RPL23: variants seen among roughly 807,000 people sequenced by gnomAD.
RPL23 encodes the protein large ribosomal subunit protein uL14.
For synonymous variants in RPL23, 63 were observed against 65.3 expected (o/e 0.97, Z 0.17); for missense variants, 79 against 178.8 (o/e 0.44, Z 3.18).
chr17:38,852,394 AAAC>A (rs1291411895), intron 3 of RPL23: 28 of 586,808 alleles, frequency 4.8e-5, no homozygotes, highest in African/African-American at 5.6e-5. Flanking sequence ...AACAAAACAA[AAAC>A]AACAACAAAA....
Position 38,847,956 on chromosome 17 carries a change from G to A in RPL23, c.*2176C>T. ...GCAGTGGCTCACACTTGTAATTGCA[G>A]CCCTTTGAAGGCCACAGCAGGAGGA... On this transcript the variant is annotated 3_prime_UTR_variant, in exon 5 of 5. Coordinates refer to ENST00000479035, the MANE Select transcript of RPL23 (RefSeq NM_000978.4). 1 of 1,547,764 alleles carries A rather than the reference G, an allele frequency of 6.5e-7. No individual in the cohort carries two copies. The highest frequency in any genetic ancestry group is 8.7e-7 in the Non-Finnish European group (1 of 1,145,840).
intron 2 of RPL23, 30 bp downstream of exon 2, chr17:38,852,992 G>A (rs1913048968): frequency 6.3e-7 from 1 of 1,597,474 alleles, no homozygotes; most frequent in Admixed American, 1.7e-5. Context: ...CTTTTAAAAG[G>A]GGGAGTATAG....
At chr17:38,852,231 A>C in intron 3 of RPL23, 1 of 198,742 alleles carries the variant, frequency 5.0e-6, no homozygotes, top group Non-Finnish European at 1.0e-5. Context: ...AAAACAAATA[A>C]TAAAATAAGC....
At position 38,848,146 on chromosome 17, in the gene RPL23, A is replaced by C; in HGVS notation, c.*1986T>G. 1 of 1,366,236 alleles carries C rather than the reference A, an allele frequency of 7.3e-7. No homozygotes were observed. The highest frequency in any genetic ancestry group is 1.7e-5 in the South Asian group (1 of 58,488). 84.6% of individuals were successfully genotyped at this position (1,366,236 alleles called of 1,614,324 possible). A position where few individuals can be genotyped will look rare whatever the true frequency, so the allele number is the denominator to read the frequency against. ...TATTGCCATAATATATAAAGACATA[A>C]ATGGTGGGCCTAGGGGCTTGTCACA... On this transcript the variant is annotated 3_prime_UTR_variant, in exon 5 of 5. Transcript: ENST00000479035.
chr17:38,853,672 A>T (rs1913072766), intron 1 of RPL23, 26 bp downstream of exon 1: 1 of 1,613,970 alleles, frequency 6.2e-7, no homozygotes, highest in Non-Finnish European at 8.5e-7. Flanking sequence ...CAGATGGTGG[A>T]GGATCCTCCA....
intron 1 of RPL23, 68 bp downstream of exon 1, chr17:38,853,630 C>A (rs1413794044): frequency 1.9e-6 from 3 of 1,604,448 alleles, no homozygotes; most frequent in East Asian, 2.2e-5. Flanking sequence ...CTAGGGCCAC[C>A]GCTCCTGACG....
chr17:38,853,301 C>A, intron 1 of RPL23, 196 bp from the exon 2 acceptor site: 1 of 654,642 alleles, frequency 1.5e-6, no homozygotes. Flanking sequence ...CTATTTCTTA[C>A]TATTAACACT....
In RPL23 at chr17:38,849,538, A is replaced by AGG. The variant is rs1225686821; in HGVS notation, c.*593_*594insCC. The AGG allele has an allele frequency of 1.3e-5, 2 of 152,146 alleles. No individual in the cohort carries two copies. The highest frequency in any genetic ancestry group is 4.8e-5 in the African/African-American group (2 of 41,418). 9.4% of individuals were successfully genotyped at this position (152,146 alleles called of 1,614,324 possible). A position where few individuals can be genotyped will look rare whatever the true frequency, so the allele number is the denominator to read the frequency against. ...TTTTTAGAAAAGAGGAGGTTTCACC[A>AGG]CGTTGGTCAGCCTGGTCTTGAACTC... On this transcript the variant is annotated 3_prime_UTR_variant, in exon 5 of 5. Coordinates refer to ENST00000479035, the MANE Select transcript of RPL23 (RefSeq NM_000978.4).
rs1912921584 is a variant in RPL23, at chr17:38,848,707, A to C, written c.*1425T>G. 1 of 152,228 alleles carries C rather than the reference A, an allele frequency of 6.6e-6. No individual in the cohort carries two copies. The highest frequency in any genetic ancestry group is 2.4e-5 in the African/African-American group (1 of 41,460). The allele number at this position is 152,228 out of a possible 1,614,324, so 9.4% of individuals were successfully genotyped here. A position where few individuals can be genotyped will look rare whatever the true frequency, so the allele number is the denominator to read the frequency against. ...GACCGGAAACATTTTCAAAAGCTCC[A>C]GGTTAGAACAACTCCTCTCTAGGTC... On this transcript the variant is annotated 3_prime_UTR_variant, in exon 5 of 5. Coordinates refer to ENST00000479035, the MANE Select transcript of RPL23 (RefSeq NM_000978.4).
chr17:38,850,716 CT>C (rs920070665), intron 3 of RPL23: 1 of 415,150 alleles, frequency 2.4e-6, no homozygotes, highest in African/African-American at 2.1e-5. Flanking sequence ...GTTGGCAAGC[CT>C]GGCCTCCCAA....
chr17:38,850,745 G>C (rs1912978764), intron 3 of RPL23: 1 of 350,910 alleles, frequency 2.8e-6, no homozygotes, highest in African/African-American at 2.1e-5. Flanking sequence ...GGAGTATAGG[G>C]AGTAAAGGCA....
At position 38,849,553 on chromosome 17, in the gene RPL23, G is replaced by C. The variant is rs1912945209; in HGVS notation, c.*579C>G. 1 of 152,180 alleles carries C rather than the reference G, an allele frequency of 6.6e-6. No homozygotes were observed. The highest frequency in any genetic ancestry group is 2.4e-5 in the African/African-American group (1 of 41,408). 9.4% of individuals were successfully genotyped at this position (152,180 alleles called of 1,614,324 possible). On this transcript the variant is annotated 3_prime_UTR_variant, in exon 5 of 5. Transcript: ENST00000479035. ...AGGTTTCACCACGTTGGTCAGCCTG[G>C]TCTTGAACTCCTGACCTCATGATCT...
intron 3 of RPL23, 61 bp from the exon 4 acceptor site, chr17:38,850,536 G>A: frequency 1.8e-6 from 2 of 1,124,932 alleles, no homozygotes; most frequent in Non-Finnish European, 2.7e-6. Context: ...CACCACAAAA[G>A]CAGTTTCCAA....
intron 4 of RPL23, 69 bp from the exon 5 acceptor site, chr17:38,850,283 C>A: frequency 3.2e-6 from 5 of 1,551,238 alleles, no homozygotes; most frequent in Non-Finnish European, 4.4e-6. Flanking sequence ...TCGTCAAACA[C>A]AGAAGATCCT....
rs541997528 is a variant in RPL23, at chr17:38,849,146, A to G, written c.*986T>C. On this transcript the variant is annotated 3_prime_UTR_variant, in exon 5 of 5. Transcript: ENST00000479035. ...TGTCAAAACATTTTCATAGCAAAATACCTGTAGGTACCATCAACTTAATCA... is the reference window on the plus strand; with the variant it reads ...TGTCAAAACATTTTCATAGCAAAATGCCTGTAGGTACCATCAACTTAATCA... 3.3e-5 allele frequency: 5 copies of G among 152,326 alleles called. No homozygotes were observed. In the East Asian group the frequency reaches 9.6e-4, roughly 29 times the overall value. 9.4% of individuals were successfully genotyped at this position (152,326 alleles called of 1,614,324 possible).
At chr17:38,852,755 A>C in intron 2 of RPL23, 23 bp from the exon 3 acceptor site, 1 of 1,613,946 alleles carries the variant, frequency 6.2e-7, no homozygotes, top group Non-Finnish European at 8.5e-7. Context: ...GTAAATAAAA[A>C]TAAAAAATGT....
rs1912954381 is a variant in RPL23, at chr17:38,849,979, A to G, written c.*153T>C. 1 of 569,394 alleles carries G rather than the reference A, an allele frequency of 1.8e-6. No homozygotes were observed. The highest frequency in any genetic ancestry group is 3.0e-6 in the Non-Finnish European group (1 of 329,568). 35.3% of individuals were successfully genotyped at this position (569,394 alleles called of 1,614,324 possible). A position where few individuals can be genotyped will look rare whatever the true frequency, so the allele number is the denominator to read the frequency against. ...CCAAAAATACAAAAACTAGCCAGGC[A>G]TGACGGCAGGTGCCTGTAATCCCAG... On this transcript the variant is annotated 3_prime_UTR_variant, in exon 5 of 5. Transcript: ENST00000479035.
intron 2 of RPL23, 50 bp from the exon 3 acceptor site, chr17:38,852,782 G>C: frequency 1.2e-6 from 2 of 1,612,550 alleles, no homozygotes; most frequent in African/African-American, 2.7e-5. Flanking sequence ...CCATCAGGCC[G>C]TTCCATCAGT....
chr17:38,848,233 A>C lies in RPL23; in HGVS notation c.*1899T>G, dbSNP rs1912911680. On this transcript the variant is annotated 3_prime_UTR_variant, in exon 5 of 5. Coordinates refer to ENST00000479035, the MANE Select transcript of RPL23 (RefSeq NM_000978.4). The stretch of plus-strand genomic sequence containing the variant: ...TTATGGTGTAACTCTCTAAAACTAG[A>C]GATTTAATACATTTTTTTTCTTTCC... 1 of 715,524 alleles carries C rather than the reference A, an allele frequency of 1.4e-6. No homozygotes were observed. Among genetic ancestry groups the C allele is most frequent in the Admixed American group, 4.3e-5 (1 of 23,074 alleles). The allele number at this position is 715,524 out of a possible 1,614,324, so 44.3% of individuals were successfully genotyped here. A position where few individuals can be genotyped will look rare whatever the true frequency, so the allele number is the denominator to read the frequency against.
Sources: allele counts gnomAD v4.1 joint callset, GRCh38; gene constraint gnomAD v4.1.1; transcripts MANE v1.5; gene names NCBI Gene and HGNC (gene_info 2026-07-23, HGNC 2026-07-21).